Variants in ADORA2B observed in about 807,000 individuals in gnomAD.
ADORA2B encodes adenosine A2b receptor.
In ADORA2B, 18 loss-of-function variants were observed where a neutral mutation model predicts 20.8. The observed-to-expected ratio is 0.87, with a 90% CI of 0.60 to 1.29. The LOEUF is 1.29. Ranked by LOEUF, ADORA2B falls within the 50% of genes most tolerant of loss-of-function variation. The pLI is 0.00. For missense variants in ADORA2B, 441 were observed against 422.7 expected (o/e 1.04, Z -0.38); for synonymous variants, 179 against 178.3 (o/e 1.00, Z -0.03).
At chr17:15,937,030 A>G in the ADORA2B span, among the ~76,000 whole-genome samples, 1 of 152,140 alleles carries the variant, frequency 6.6e-6, no homozygotes, top group Non-Finnish European at 1.5e-5. Context: ...TAACATCCTG[A>G]CTTTCTTAGG....
At chr17:15,907,085 G>T in the ADORA2B span, among the ~76,000 whole-genome samples, 1 of 152,104 alleles carries the variant, frequency 6.6e-6, no homozygotes, top group Non-Finnish European at 1.5e-5. Flanking sequence ...TTCATCACTT[G>T]CTTTCTGTAA....
In ADORA2B at chr17:15,960,371, G is replaced by A. The variant is rs1308305551; in HGVS notation, c.336-14308G>A. On this transcript the variant is annotated intron_variant, in intron 1 of 1. Transcript: ENST00000304222. ...AGATCGAGACCATCCTGGCTAACAC[G>A]GTGAAACCCCGTCTCTACTAAAAAT... Among the ~76,000 whole-genome samples, 12 of 13,068 alleles carry A rather than the reference G, an allele frequency of 9.2e-4. 3 individuals are homozygous for A. Among genetic ancestry groups the A allele is most frequent in the African/African-American group, 1.1e-3 (12 of 10,546 alleles). The allele number at this position is 13,068 out of a possible 152,430, so 8.6% of individuals were successfully genotyped here. A position where few individuals can be genotyped will look rare whatever the true frequency, so the allele number is the denominator to read the frequency against.
intron 1 of ADORA2B, 150 bp downstream of exon 1, chr17:15,945,733 C>G (rs1468379539): frequency 1.4e-6 from 1 of 720,760 alleles, no homozygotes; most frequent in Non-Finnish European, 2.2e-6. Context: ...CCAGCCTGGC[C>G]ACCCCGCAAC....
At chr17:15,958,309 C>T (rs1014821025) in intron 1 of ADORA2B, among the ~76,000 whole-genome samples, 2 of 152,202 alleles carry the variant, frequency 1.3e-5, no homozygotes, top group Non-Finnish European at 2.9e-5. Flanking sequence ...TGAGCCACCA[C>T]GCCCGGCCCA....
At chr17:15,912,811 A>G in the ADORA2B span, among the ~76,000 whole-genome samples, 1 of 152,212 alleles carries the variant, frequency 6.6e-6, no homozygotes, top group Non-Finnish European at 1.5e-5. Flanking sequence ...TTTGGGCCCC[A>G]TTAGGGAGGT....
chr17:15,943,690 A>T (rs1333890897), upstream of ADORA2B, among the ~76,000 whole-genome samples: 3 of 152,238 alleles, frequency 2.0e-5, no homozygotes, highest in South Asian at 2.1e-4. Context: ...TCAAGTGTAC[A>T]GTTCAGTGGC....
At chr17:15,860,574 GC>G in the ADORA2B span, among the ~76,000 whole-genome samples, 3 of 152,004 alleles carry the variant, frequency 2.0e-5, no homozygotes, top group Non-Finnish European at 4.4e-5. Flanking sequence ...TGGGTTTAAT[GC>G]TCTGATGACA....
At chr17:15,963,104 T>C (rs570460453) in intron 1 of ADORA2B, among the ~76,000 whole-genome samples, 1 of 151,804 alleles carries the variant, frequency 6.6e-6, no homozygotes. Flanking sequence ...AGGTAGGAGG[T>C]TTTTTTTAAT....
chr17:15,860,415 C>T, the ADORA2B span, among the ~76,000 whole-genome samples: 5 of 151,344 alleles, frequency 3.3e-5, no homozygotes, highest in Admixed American at 6.6e-5. Context: ...TTCCTTCTTG[C>T]CTGCCGCTGC....
the ADORA2B span, among the ~76,000 whole-genome samples, chr17:15,860,434 T>C: frequency 6.7e-6 from 1 of 148,932 alleles, no homozygotes; most frequent in South Asian, 2.1e-4. Context: ...GCCTGTGACC[T>C]GGTCATCACA....
the ADORA2B span, among the ~76,000 whole-genome samples, chr17:15,861,366 C>T: frequency 1.3e-5 from 2 of 152,116 alleles, no homozygotes; most frequent in African/African-American, 4.8e-5. Context: ...GCATGGTAGG[C>T]TCTCTGTCAG....
At chr17:15,964,941 T>C (rs1001594816) in intron 1 of ADORA2B, among the ~76,000 whole-genome samples, 3 of 151,952 alleles carry the variant, frequency 2.0e-5, no homozygotes, top group Admixed American at 2.0e-4. Flanking sequence ...GTGCCTGTAG[T>C]CCCAGCTACT....
intron 1 of ADORA2B, chr17:15,973,979 G>A (rs1450537556): frequency 6.6e-6 from 1 of 152,232 alleles, no homozygotes; most frequent in Non-Finnish European, 1.5e-5. Context: ...GCAGCCTGCT[G>A]AGCCAAAGCA....
At chr17:15,866,768 C>T in the ADORA2B span, among the ~76,000 whole-genome samples, 4 of 132,206 alleles carry the variant, frequency 3.0e-5, no homozygotes, top group African/African-American at 1.3e-4. Context: ...TTTCCACAGT[C>T]TCCCTCTGAT....
chr17:15,948,029 AGTG>A, intron 1 of ADORA2B, among the ~76,000 whole-genome samples: 1 of 152,142 alleles, frequency 6.6e-6, no homozygotes, highest in Admixed American at 6.5e-5. Flanking sequence ...TAAAGTTGGA[AGTG>A]CCCTGTTTGG....
the ADORA2B span, among the ~76,000 whole-genome samples, chr17:15,890,760 A>G: frequency 1.3e-5 from 2 of 152,054 alleles, no homozygotes; most frequent in Admixed American, 6.6e-5. Flanking sequence ...CAGCAGCCCC[A>G]CTGGCTAAGA....
the ADORA2B span, among the ~76,000 whole-genome samples, chr17:15,854,422 C>T: frequency 6.6e-6 from 1 of 152,124 alleles, no homozygotes; most frequent in African/African-American, 2.4e-5. Context: ...AAGATTAATA[C>T]CTTTCTTAAT....
chr17:15,937,990 T>A, the ADORA2B span, among the ~76,000 whole-genome samples: 1 of 152,218 alleles, frequency 6.6e-6, no homozygotes. Flanking sequence ...AACTGCGGTT[T>A]AAACTTTTCC....
the ADORA2B span, among the ~76,000 whole-genome samples, chr17:15,930,005 G>A: frequency 6.6e-6 from 1 of 152,136 alleles, no homozygotes; most frequent in African/African-American, 2.4e-5. Context: ...TGTTTAAGAG[G>A]ATGTTAAAAA....
Sources: allele counts gnomAD v4.1 joint callset (sites outside exome capture counted in the v4.1 genomes callset), GRCh38; gene constraint gnomAD v4.1.1; transcripts MANE v1.5; gene names NCBI Gene and HGNC (gene_info 2026-07-23, HGNC 2026-07-21).